Variants in STX8 observed in about 807,000 individuals in gnomAD.
The protein encoded by STX8 is syntaxin-8.
Under a neutral mutation model 37.5 loss-of-function variants are expected in STX8, and 23 were observed. That is an observed-to-expected ratio of 0.61 (90% CI 0.44 to 0.87). The LOEUF (loss-of-function observed/expected upper bound fraction) is 0.87. Among genes scored for constraint, STX8 ranks in the 40% least tolerant of loss-of-function variants. The pLI, the probability that STX8 is intolerant of heterozygous loss-of-function variation, is 0.00. For synonymous variants in STX8, 115 were observed against 99.1 expected, an observed-to-expected ratio of 1.16 and a Z score of -0.95; for missense variants, 313 against 284.7, an observed-to-expected ratio of 1.10 and a Z score of -0.71.
chr17:9,560,579 T>C (rs1285953764), intron 2 of STX8, among the ~76,000 whole-genome samples: 2 of 152,152 alleles, frequency 1.3e-5, no homozygotes, highest in African/African-American at 2.4e-5. Flanking sequence ...GCCTGGCACA[T>C]AGTTAACTGT....
chr17:9,543,551 C>T (rs1906371668), intron 4 of STX8, among the ~76,000 whole-genome samples: 1 of 152,160 alleles, frequency 6.6e-6, no homozygotes, highest in African/African-American at 2.4e-5. Context: ...GCAATCCACC[C>T]ACCTTGGCCT....
intron 6 of STX8, among the ~76,000 whole-genome samples, chr17:9,391,050 A>C (rs1001262948): frequency 6.6e-6 from 1 of 152,190 alleles, no homozygotes; most frequent in Non-Finnish European, 1.5e-5. Context: ...TATGCTAATG[A>C]CACTGCAGTT....
chr17:9,422,599 T>C (rs913178558), intron 6 of STX8, among the ~76,000 whole-genome samples: 2 of 152,268 alleles, frequency 1.3e-5, no homozygotes, highest in Non-Finnish European at 2.9e-5. Context: ...TTTTCAAGGT[T>C]CATCCGTGTT....
At chr17:9,566,453 G>A (rs1907464289) in intron 2 of STX8, among the ~76,000 whole-genome samples, 2 of 152,148 alleles carry the variant, frequency 1.3e-5, no homozygotes, top group Admixed American at 6.6e-5. Context: ...CCCGTTATTG[G>A]GTATATCCCC....
chr17:9,545,120 T>C, intron 4 of STX8, 52 bp downstream of exon 4: 2 of 1,220,718 alleles, frequency 1.6e-6, no homozygotes, highest in Non-Finnish European at 2.4e-6. Flanking sequence ...CTGTAGTATC[T>C]GCAAAGAAGT....
intron 7 of STX8, 83 bp from the exon 8 acceptor site, chr17:9,250,728 A>G: frequency 2.2e-6 from 3 of 1,377,458 alleles, no homozygotes; most frequent in South Asian, 2.5e-5. Flanking sequence ...GCAGAGACTC[A>G]GAGGGATGTA....
rs186146237 is a variant in STX8, at chr17:9,427,189, C to A, written c.542-48536G>T. On this transcript the variant is annotated intron_variant, in intron 6 of 7. Transcript: ENST00000306357. The stretch of plus-strand genomic sequence containing the variant: ...ACTCAAGGATGCCCAAATACATGTT[C>A]CCATAGAAATAACGTTGTATATGTG... Among the ~76,000 whole-genome samples, 56 of 152,228 alleles carry A rather than the reference C, an allele frequency of 3.7e-4. 1 individual carries two copies. Among genetic ancestry groups the A allele is most frequent in the Admixed American group, 3.7e-3 (56 of 15,290 alleles).
At chr17:9,302,389 C>A (rs1274024698) in intron 7 of STX8, among the ~76,000 whole-genome samples, 1 of 152,092 alleles carries the variant, frequency 6.6e-6, no homozygotes, top group Non-Finnish European at 1.5e-5. Context: ...TGTTTATATG[C>A]TTTCAAATGC....
chr17:9,556,802 C>CATATATAT (rs1183053093), intron 3 of STX8: 1 of 95,008 alleles, frequency 1.1e-5, no homozygotes, highest in African/African-American at 3.8e-5. Context: ...TATACACATA[C>CATATATAT]ATATATATAT....
At chr17:9,300,089 T>C (rs567443934) in intron 7 of STX8, among the ~76,000 whole-genome samples, 121 of 152,252 alleles carry the variant, frequency 7.9e-4, no homozygotes, top group Middle Eastern at 3.4e-3. Flanking sequence ...CCCAGCACTT[T>C]GGGAGACCGA....
rs114579497 is a variant in STX8, at chr17:9,299,817, G to A, written c.644-49172C>T. Among the ~76,000 whole-genome samples the A allele has an allele frequency of 4.2e-3, 643 of 152,276 alleles. 6 individuals carry two copies. The highest frequency in any genetic ancestry group is 0.015 in the African/African-American group (605 of 41,566). ...TGAAGTAGAGTTACCGCTGTGTCTA[G>A]AAGCTACCGCTTTAGGCTATTTGTT... On this transcript the variant is annotated intron_variant, in intron 7 of 7. Coordinates refer to ENST00000306357, the MANE Select transcript of STX8 (RefSeq NM_004853.3).
chr17:9,558,763 C>T (rs995116428), intron 2 of STX8, among the ~76,000 whole-genome samples: 1 of 151,342 alleles, frequency 6.6e-6, no homozygotes, highest in African/African-American at 2.4e-5. Context: ...GCGGAGCTTG[C>T]AGTGAGCCGA....
At chr17:9,355,628 G>A (rs62067094) in intron 7 of STX8, among the ~76,000 whole-genome samples, 54 of 150,950 alleles carry the variant, frequency 3.6e-4, no homozygotes, top group African/African-American at 1.1e-3. Context: ...TCAGCCTCTC[G>A]CCTCCCGAGT....
chr17:9,328,573 C>G (rs1182049009), intron 7 of STX8, among the ~76,000 whole-genome samples: 1 of 152,186 alleles, frequency 6.6e-6, no homozygotes, highest in Non-Finnish European at 1.5e-5. Flanking sequence ...AGCAGAAAGA[C>G]TTGATCACGG....
intron 7 of STX8, among the ~76,000 whole-genome samples, chr17:9,375,763 T>C (rs986318439): frequency 4.6e-5 from 7 of 152,178 alleles, no homozygotes; most frequent in African/African-American, 1.7e-4. Flanking sequence ...CATATATATA[T>C]TACATACACG....
intron 7 of STX8, among the ~76,000 whole-genome samples, chr17:9,313,522 G>A (rs184166142): frequency 5.9e-5 from 9 of 152,340 alleles, no homozygotes; most frequent in Non-Finnish European, 8.8e-5. Flanking sequence ...GTAGGAACTA[G>A]GTGCCAGAAT....
intron 4 of STX8, among the ~76,000 whole-genome samples, chr17:9,539,435 T>C (rs1906188953): frequency 6.6e-6 from 1 of 152,212 alleles, no homozygotes; most frequent in African/African-American, 2.4e-5. Context: ...TCTTGTGGCA[T>C]TGCTGCCAGT....
chr17:9,253,207 GGTGTGTGTGTGTGTGTGTGTGTGT>G (rs36048368), intron 7 of STX8, among the ~76,000 whole-genome samples: 1 of 140,940 alleles, frequency 7.1e-6, no homozygotes, highest in South Asian at 2.4e-4. Flanking sequence ...CAGGGGTAGG[GGTGTGTGTGTGTGTGTGTGTGTGT>G]GTGTGTGTGT....
chr17:9,378,325 A>G (rs748273696), intron 7 of STX8: 121 of 455,990 alleles, frequency 2.7e-4, no homozygotes, highest in Non-Finnish European at 4.5e-4. Context: ...TTTTAAATTA[A>G]AAACAAAAAC....
Sources: allele counts gnomAD v4.1 joint callset (sites outside exome capture counted in the v4.1 genomes callset), GRCh38; gene constraint gnomAD v4.1.1; transcripts MANE v1.5; gene names NCBI Gene and HGNC (gene_info 2026-07-23, HGNC 2026-07-21).